The following PTPRM variants were observed in gnomAD, a reference collection of about 807,000 sequenced individuals.
PTPRM encodes the protein protein tyrosine phosphatase receptor type M.
In PTPRM, 47 loss-of-function variants were observed where a neutral mutation model predicts 186.7. The observed-to-expected ratio is 0.25, with a 90% CI of 0.20 to 0.32. The LOEUF (loss-of-function observed/expected upper bound fraction) is 0.32, where lower values mean the gene tolerates loss of function less well. Ranked by LOEUF, PTPRM falls within the 10% of genes least tolerant of loss-of-function variation. The probability of loss-of-function intolerance (pLI) is 1.00; values close to 1 mark genes in which losing one functional copy is unlikely to be tolerated. For missense variants in PTPRM, 1,494 were observed against 1,865.0 expected, an observed-to-expected ratio of 0.80 and a Z score of 3.66; for synonymous variants, 668 against 674.9, an observed-to-expected ratio of 0.99 and a Z score of 0.16.
intron 7 of PTPRM, among the ~76,000 whole-genome samples, chr18:8,026,979 C>T (rs2085611531): frequency 6.6e-6 from 1 of 152,102 alleles, no homozygotes; most frequent in Admixed American, 6.6e-5. Context: ...CATAAACAAA[C>T]CATTTCCTCT....
chr18:7,608,596 A>G (rs2037594180), intron 1 of PTPRM, among the ~76,000 whole-genome samples: 1 of 151,880 alleles, frequency 6.6e-6, no homozygotes, highest in Non-Finnish European at 1.5e-5. Flanking sequence ...TGGTGTGGGG[A>G]TATCTGTGGA....
At chr18:7,928,419 C>T (rs1430100850) in intron 5 of PTPRM, among the ~76,000 whole-genome samples, 2 of 152,120 alleles carry the variant, frequency 1.3e-5, no homozygotes, top group Non-Finnish European at 2.9e-5. Context: ...TTGTTTTAAA[C>T]TCTTGATGTT....
At chr18:7,754,945 C>T (rs1343647603) in intron 1 of PTPRM, 2 of 152,214 alleles carry the variant, frequency 1.3e-5, no homozygotes. Context: ...GATGAGTGGC[C>T]GTGAGCGTCC....
chr18:7,660,829 G>A (rs1322561291), intron 1 of PTPRM, among the ~76,000 whole-genome samples: 1 of 151,950 alleles, frequency 6.6e-6, no homozygotes, highest in Non-Finnish European at 1.5e-5. Flanking sequence ...AAATTAACTG[G>A]GCACGGTGGC....
chr18:8,255,223 C>T (rs1277212623), intron 19 of PTPRM, among the ~76,000 whole-genome samples: 4 of 152,126 alleles, frequency 2.6e-5, no homozygotes, highest in African/African-American at 9.7e-5. Flanking sequence ...TAGGTTCTAT[C>T]CAATATTCTG....
chr18:8,215,745 C>G (rs1003420), intron 14 of PTPRM, among the ~76,000 whole-genome samples: 71,519 of 151,280 alleles, frequency 0.47, 17,379 homozygotes, highest in East Asian at 0.73. Context: ...ACCAGGTCTC[C>G]CTATTTTTCC....
intron 7 of PTPRM, among the ~76,000 whole-genome samples, chr18:8,030,145 T>C (rs886803262): frequency 6.6e-6 from 1 of 152,258 alleles, no homozygotes; most frequent in Non-Finnish European, 1.5e-5. Flanking sequence ...GCATATGCTT[T>C]GTACAATACA....
At position 8,328,444 on chromosome 18, in the gene PTPRM, C is replaced by A. The variant is rs370605845; in HGVS notation, c.2956+9230C>A. 2.0e-5 allele frequency among the ~76,000 whole-genome samples: 3 copies of A among 152,340 alleles called. No homozygotes were observed. In the East Asian group the frequency reaches 5.8e-4, roughly 29 times the overall value. On this transcript the variant is annotated intron_variant, in intron 22 of 32. Coordinates refer to ENST00000580170, the MANE Select transcript of PTPRM (RefSeq NM_001105244.2). ...ACTTTTGTTTTTATTCTTCCAAGAA[C>A]CAGTGCAGCTTGCACTTCAAGTGCA...
At chr18:8,146,426 A>G (rs1462767328) in intron 14 of PTPRM, among the ~76,000 whole-genome samples, 1 of 151,266 alleles carries the variant, frequency 6.6e-6, no homozygotes, top group Non-Finnish European at 1.5e-5. Flanking sequence ...ATTTTTTTAT[A>G]TGTTGGTTGG....
At chr18:8,006,486 C>T (rs1568172526) in intron 7 of PTPRM, among the ~76,000 whole-genome samples, 1 of 152,182 alleles carries the variant, frequency 6.6e-6, no homozygotes, top group Admixed American at 6.5e-5. Flanking sequence ...AAAATACTTG[C>T]ACCAAAGGCA....
rs375664713 is a variant in PTPRM at position 8,113,550 on chromosome 18, A to C, written c.1921A>C (p.Lys641Gln). 6.2e-7 allele frequency: 1 copy of C among 1,613,772 alleles called. No homozygotes were observed. The highest frequency in any genetic ancestry group is 8.5e-7 in the Non-Finnish European group (1 of 1,179,784). ...AACTAAAAAGACGACAGAAATCTTA[A>C]AGTGCTACCCAGTGCCAATTCACTT... ...RRTKKTTEILKCYPVPIHFQN... is the reference protein window; with the variant it reads ...RRTKKTTEILQCYPVPIHFQN... The change falls in exon 12 of 33, where the codon AAG (lysine) becomes CAG (glutamine). Residue 641 changes from lysine (K) to glutamine (Q), a missense_variant. By Grantham distance (53) the Lys-to-Gln change is moderately conservative. Around this residue, in one of 3 missense-constraint regions of PTPRM, gnomAD observed 1,107 missense variants for 1,350.2 expected, o/e 0.82. Transcript: ENST00000580170.
At chr18:7,907,747 C>T (rs149568643) in intron 4 of PTPRM, among the ~76,000 whole-genome samples, 2,493 of 151,668 alleles carry the variant, frequency 0.016, 21 homozygotes, top group South Asian at 0.033. Flanking sequence ...AACTGAACAC[C>T]GCAAATGTGT....
chr18:8,139,102 C>G (rs559535444), intron 13 of PTPRM, among the ~76,000 whole-genome samples: 1 of 152,154 alleles, frequency 6.6e-6, no homozygotes, highest in Non-Finnish European at 1.5e-5. Flanking sequence ...CAACTGCCTA[C>G]TTGCTATCTC....
intron 22 of PTPRM, among the ~76,000 whole-genome samples, chr18:8,324,694 A>T (rs540903025): frequency 2.6e-5 from 4 of 152,352 alleles, no homozygotes; most frequent in African/African-American, 9.6e-5. Flanking sequence ...AGCTCATTTC[A>T]TCTTTACCAC....
chr18:7,822,278 G>A (rs144864278), intron 2 of PTPRM, among the ~76,000 whole-genome samples: 248 of 152,200 alleles, frequency 1.6e-3, no homozygotes, highest in African/African-American at 5.6e-3. Context: ...GCCTGGCCTG[G>A]GCTATAATGT....
chr18:8,298,075 G>C (rs16953201), intron 20 of PTPRM, among the ~76,000 whole-genome samples: 26,706 of 152,148 alleles, frequency 0.18, 2,385 homozygotes, highest in South Asian at 0.21. Flanking sequence ...CAGTCAGATC[G>C]CTGTGGCAGT....
chr18:8,022,418 G>A (rs1302140622), intron 7 of PTPRM, among the ~76,000 whole-genome samples: 1 of 152,182 alleles, frequency 6.6e-6, no homozygotes, highest in Admixed American at 6.5e-5. Context: ...AGCTTGGAAA[G>A]CGTTTTCTAA....
chr18:7,802,576 T>G (rs2145371327), intron 2 of PTPRM, among the ~76,000 whole-genome samples: 1 of 152,270 alleles, frequency 6.6e-6, no homozygotes, highest in African/African-American at 2.4e-5. Context: ...TACTTTAATA[T>G]GACAGCCCAC....
intron 14 of PTPRM, among the ~76,000 whole-genome samples, chr18:8,240,618 GGAGAGAGAGAGAGAGA>G (rs372227037): frequency 3.7e-4 from 13 of 34,816 alleles, no homozygotes; most frequent in Admixed American, 1.1e-3. Context: ...AGAGAGGGAG[GGAGAGAGAGAGAGAGA>G]GAGAGAGAGA....
Sources: allele counts gnomAD v4.1 joint callset (sites outside exome capture counted in the v4.1 genomes callset), GRCh38; gene constraint gnomAD v4.1.1; regional missense constraint gnomAD v4.1.1; transcripts MANE v1.5; gene names NCBI Gene and HGNC (gene_info 2026-07-23, HGNC 2026-07-21).